TNRC6A: variants seen among roughly 807,000 people sequenced by gnomAD.
TNRC6A encodes the protein trinucleotide repeat-containing gene 6A protein.
A neutral mutation model predicts 221.2 loss-of-function variants in TNRC6A; 44 were observed. That is an observed-to-expected ratio of 0.20 (90% CI 0.16 to 0.26). The LOEUF is 0.26. Ranked by LOEUF, TNRC6A falls within the 10% of genes least tolerant of loss-of-function variation. The pLI, the probability that TNRC6A is intolerant of heterozygous loss-of-function variation, is 1.00. For missense variants in TNRC6A, 2,199 were observed against 2,404.4 expected, an observed-to-expected ratio of 0.91 and a Z score of 1.79; for synonymous variants, 847 against 838.5, an observed-to-expected ratio of 1.01 and a Z score of -0.18.
chr16:24,784,913 G>A, intron 5 of TNRC6A, among the ~76,000 whole-genome samples: 1 of 152,166 alleles, frequency 6.6e-6, no homozygotes, highest in East Asian at 1.9e-4. Context: ...ATTAACAAGT[G>A]AAATCTGCCA....
chr16:24,743,115 C>G (rs1294908521), intron 2 of TNRC6A, among the ~76,000 whole-genome samples: 1 of 152,140 alleles, frequency 6.6e-6, no homozygotes, highest in Non-Finnish European at 1.5e-5. Context: ...TACCATCTGA[C>G]AAGTCATTAG....
intron 5 of TNRC6A, among the ~76,000 whole-genome samples, chr16:24,782,161 C>T (rs1050009397): frequency 1.3e-5 from 2 of 152,142 alleles, no homozygotes; most frequent in Admixed American, 1.3e-4. Context: ...TCCCATCTCC[C>T]TTTGATACTG....
intron 5 of TNRC6A, among the ~76,000 whole-genome samples, chr16:24,786,335 GTTTTT>G (rs869281779): frequency 1.0e-4 from 14 of 133,476 alleles, no homozygotes; most frequent in African/African-American, 2.6e-4. Flanking sequence ...GTTTTGTTTT[GTTTTT>G]TTTGAGACGG....
chr16:24,789,725 G>A lies in TNRC6A; in HGVS notation c.1083G>A (p.Leu361=). The A allele has an allele frequency of 6.2e-7, 1 of 1,614,214 alleles. No homozygotes were observed. The highest frequency in any genetic ancestry group is 1.1e-5 in the South Asian group (1 of 91,078). Residue 361 remains leucine, a synonymous_variant, in exon 6 of 25, where the codon TTG becomes TTA. Coordinates refer to ENST00000395799, the MANE Select transcript of TNRC6A (RefSeq NM_014494.4). ...ATGGAGGGTTAAATCCAAGCACTTT[G>A]AATTCAGCTAGCAACCATGGTGCCT... ...SSNGGLNPST[L]NSASNHGAWP...
intron 4 of TNRC6A, among the ~76,000 whole-genome samples, chr16:24,770,084 T>C (rs2057558206): frequency 6.6e-6 from 1 of 152,152 alleles, no homozygotes; most frequent in Non-Finnish European, 1.5e-5. Flanking sequence ...ACGCCCAGTC[T>C]GGGGGTGGGG....
intron 2 of TNRC6A, among the ~76,000 whole-genome samples, chr16:24,643,107 TAAA>T (rs1449229787): frequency 4.3e-4 from 27 of 62,124 alleles, no homozygotes; most frequent in African/African-American, 1.5e-3. Context: ...TATATATATA[TAAA>T]ATATATATAT....
chr16:24,786,606 G>A (rs1282489944), intron 5 of TNRC6A, among the ~76,000 whole-genome samples: 5 of 152,058 alleles, frequency 3.3e-5, no homozygotes, highest in Non-Finnish European at 7.4e-5. Flanking sequence ...GAACCATCAC[G>A]CCTGGCCAGT....
intron 18 of TNRC6A, among the ~76,000 whole-genome samples, chr16:24,813,764 C>A (rs1464100898): frequency 6.6e-6 from 1 of 152,182 alleles, no homozygotes; most frequent in Non-Finnish European, 1.5e-5. Context: ...TGCTGATGTT[C>A]CCCTTGTGTT....
intron 2 of TNRC6A, among the ~76,000 whole-genome samples, chr16:24,742,670 C>G (rs1327081114): frequency 6.6e-6 from 1 of 152,142 alleles, no homozygotes; most frequent in Non-Finnish European, 1.5e-5. Context: ...GCCTGTAATC[C>G]CAGCACTTTA....
chr16:24,658,671 A>G (rs1166028763), intron 2 of TNRC6A, among the ~76,000 whole-genome samples: 1 of 151,614 alleles, frequency 6.6e-6, no homozygotes, highest in Non-Finnish European at 1.5e-5. Flanking sequence ...CCTGTTTCTA[A>G]TGTTGTGTTT....
chr16:24,736,114 G>A (rs2056761273), intron 2 of TNRC6A, among the ~76,000 whole-genome samples: 3 of 152,152 alleles, frequency 2.0e-5, no homozygotes, highest in South Asian at 2.1e-4. Flanking sequence ...GCAGTGAGCC[G>A]AAATTGCGCC....
chr16:24,675,682 CTCTCTCTCTCTCTCTCTCTCTA>C (rs2055397090), intron 2 of TNRC6A, among the ~76,000 whole-genome samples: 1 of 79,864 alleles, frequency 1.3e-5, no homozygotes, highest in African/African-American at 5.4e-5. Context: ...CTCTCTCTCT[CTCTCTCTCTCTCTCTCTCTCTA>C]TATATATATA....
At chr16:24,724,735 C>A (rs1329606484), upstream of TNRC6A, among the ~76,000 whole-genome samples, 1 of 151,982 alleles carries the variant, frequency 6.6e-6, no homozygotes, top group Non-Finnish European at 1.5e-5. Flanking sequence ...CAGAGCAAGA[C>A]CTTGTTAAAA....
chr16:24,694,408 C>G (rs1304851728), intron 2 of TNRC6A, among the ~76,000 whole-genome samples: 2 of 152,124 alleles, frequency 1.3e-5, no homozygotes, highest in East Asian at 1.9e-4. Context: ...GTAATCCCAG[C>G]ACTTTGGGAG....
At chr16:24,793,297 T>G (rs2058149328) in intron 6 of TNRC6A, 176 bp from the exon 7 acceptor site, 2 of 412,060 alleles carry the variant, frequency 4.9e-6, no homozygotes, top group Non-Finnish European at 8.4e-6. Flanking sequence ...TGGGAAATAG[T>G]TTGTCTTTTT....
intron 2 of TNRC6A, among the ~76,000 whole-genome samples, chr16:24,659,386 C>A (rs1193213406): frequency 6.6e-6 from 1 of 152,086 alleles, no homozygotes; most frequent in Non-Finnish European, 1.5e-5. Context: ...CTGTCTGTCT[C>A]TGTGTCTCTC....
intron 2 of TNRC6A, among the ~76,000 whole-genome samples, chr16:24,665,837 A>T (rs1164379888): frequency 1.3e-5 from 2 of 152,162 alleles, no homozygotes; most frequent in Non-Finnish European, 2.9e-5. Context: ...GCTTGCAGGG[A>T]CAAATCTTTC....
At chr16:24,709,844 A>G (rs905410314) in intron 2 of TNRC6A, among the ~76,000 whole-genome samples, 2 of 151,504 alleles carry the variant, frequency 1.3e-5, no homozygotes, top group African/African-American at 4.8e-5. Flanking sequence ...AAAAAAAAGA[A>G]GTTTATATTC....
chr16:24,820,418 C>A, intron 22 of TNRC6A, 58 bp downstream of exon 22: 1 of 1,497,212 alleles, frequency 6.7e-7, no homozygotes, highest in Non-Finnish European at 9.3e-7. Flanking sequence ...CTAACCAGTA[C>A]TAACAGTCGA....
Sources: allele counts gnomAD v4.1 joint callset (sites outside exome capture counted in the v4.1 genomes callset), GRCh38; gene constraint gnomAD v4.1.1; transcripts MANE v1.5; gene names NCBI Gene and HGNC (gene_info 2026-07-23, HGNC 2026-07-21).